Variants in S100A3 observed in about 807,000 individuals in gnomAD.
S100A3 encodes the protein S100 calcium binding protein A3.
Under a neutral mutation model 8.0 loss-of-function variants are expected in S100A3, and 11 were observed. That is an observed-to-expected ratio of 1.37 (90% confidence interval 0.86 to 2.27). S100A3 has a LOEUF of 2.27. Ranked by LOEUF, S100A3 falls within the 30% of genes most tolerant of loss-of-function variation. The probability of loss-of-function intolerance (pLI) is 0.00; values close to 1 mark genes in which losing one functional copy is unlikely to be tolerated. For missense variants in S100A3, 124 were observed against 127.1 expected (o/e 0.98, Z 0.12); for synonymous variants, 43 against 49.6 (o/e 0.87, Z 0.56).
Position 153,547,972 on chromosome 1 carries a change from G to A in S100A3, c.142-126C>T. ...CCACCCCAAACTACACCCTTCTGAG[G>A]GCCGACTTCAACCTCCCTGCTCTGA... On this transcript the variant is annotated intron_variant, in intron 2 of 2. Coordinates refer to ENST00000368713, the MANE Select transcript of S100A3 (RefSeq NM_002960.2). The surrounding 1 kb of genome is among the most constrained non-coding windows in gnomAD (Gnocchi z 4.0). 2 of 996,152 alleles carry A rather than the reference G, an allele frequency of 2.0e-6. No individual in the cohort carries two copies. The highest frequency in any genetic ancestry group is 4.9e-5 in the East Asian group (2 of 41,218). The allele number at this position is 996,152 out of a possible 1,614,324, so 61.7% of individuals were successfully genotyped here. A position where few individuals can be genotyped will look rare whatever the true frequency, so the allele number is the denominator to read the frequency against.
chr1:153,548,328 A>G lies in S100A3; in HGVS notation c.141+17T>C, dbSNP rs28452456. On this transcript the variant is annotated intron_variant, in intron 2 of 2. Transcript: ENST00000368713. ...CTCCCCCCGGAGGAGGAGGGGACGGACACTCTGACTGCTCACCGGGGTCCA... is the reference window on the plus strand; with the variant it reads ...CTCCCCCCGGAGGAGGAGGGGACGGGCACTCTGACTGCTCACCGGGGTCCA... 109,387 of 1,612,634 alleles carry G rather than the reference A, an allele frequency of 0.068. 7,395 individuals are homozygous for G. The highest frequency in any genetic ancestry group is 0.36 in the African/African-American group (27,024 of 74,740).
At chr1:153,548,528 C>T (rs758256954) in intron 1 of S100A3, 38 bp from the exon 2 acceptor site, 3 of 1,537,514 alleles carry the variant, frequency 2.0e-6, no homozygotes, top group Non-Finnish European at 1.8e-6. Context: ...AGCAGAGTTC[C>T]AGGCCAGCCC....
At chr1:153,548,053 C>T (rs1571241205) in intron 2 of S100A3, among the ~76,000 whole-genome samples, 2 of 152,244 alleles carry the variant, frequency 1.3e-5, no homozygotes, top group South Asian at 4.1e-4. Flanking sequence ...ATTAATCGAG[C>T]ACCTACTATT....
chr1:153,548,001 T>A (rs1665625372), intron 2 of S100A3, among the ~76,000 whole-genome samples, 155 bp from the exon 3 acceptor site: 1 of 152,022 alleles, frequency 6.6e-6, no homozygotes, highest in South Asian at 2.1e-4. Context: ...GCTCTGATAA[T>A]GCACTCGTTG....
rs36022742 is a variant in S100A3 at position 153,548,478 on chromosome 1, C to T, written c.8G>A (p.Arg3Lys). 0.068 allele frequency: 107,755 copies of T among 1,589,176 alleles called. 7,324 individuals are homozygous for T. Among genetic ancestry groups the T allele is most frequent in the African/African-American group, 0.36 (26,947 of 74,510 alleles). The change falls in exon 2 of 3, where the codon AGG (arginine) becomes AAG (lysine). Residue 3 changes from arginine to lysine, a missense_variant. Arg to Lys is a conservative substitution (Grantham distance 26). Transcript: ENST00000368713. ...GGCAGCTACCGCCTGCTCCAGAGGC[C>T]TGGCCATCCTCACTGTCACAGAACA... The part of the protein sequence containing the change: MA[R>K]PLEQAVAAIV...
chr1:153,548,411 G>A lies in S100A3; in HGVS notation c.75C>T (p.Asp25=). 6.2e-7 allele frequency: 1 copy of A among 1,613,864 alleles called. No individual in the cohort carries two copies. The highest frequency in any genetic ancestry group is 1.3e-5 in the African/African-American group (1 of 75,012). The part of the protein sequence containing the change: ...TFQEYAGRCG[D]KYKLCQAELK... ...GCTCCGCCTGGCAGAGCTTGTATTT[G>A]TCCCCACAGCGCCCTGCGTATTCCT... Residue 25 remains aspartate, a synonymous_variant, in exon 2 of 3, where the codon GAC becomes GAT. Coordinates refer to ENST00000368713, the MANE Select transcript of S100A3 (RefSeq NM_002960.2).
intron 1 of S100A3, 99 bp from the exon 2 acceptor site, chr1:153,548,589 T>G: frequency 4.1e-6 from 6 of 1,462,902 alleles, no homozygotes; most frequent in Non-Finnish European, 5.4e-6. Context: ...CCCAGACCCA[T>G]CTTAACCTCC....
Position 153,547,796 on chromosome 1 carries a change from G to A in S100A3, c.192C>T (p.Thr64=). The change falls in exon 3 of 3, where the codon ACC becomes ACT. Residue 64 remains threonine, a synonymous_variant. Coordinates refer to ENST00000368713, the MANE Select transcript of S100A3 (RefSeq NM_002960.2). The surrounding 1 kb of genome is among the most constrained non-coding windows in gnomAD (Gnocchi z 4.0). ...DYNKFMSVLD[T]NKDCEVDFVE... is the part of the protein sequence containing the mutation. ...CAAAGTCCACCTCGCAGTCCTTGTT[G>A]GTGTCCAGAACACTCATGAATTTGT... The A allele has an allele frequency of 6.2e-7, 1 of 1,614,020 alleles. No individual in the cohort carries two copies. The highest frequency in any genetic ancestry group is 8.5e-7 in the Non-Finnish European group (1 of 1,179,950).
rs762900643 is a variant in S100A3, at chr1:153,548,428, C to T, written c.58G>A (p.Ala20Thr). 9.3e-6 allele frequency: 15 copies of T among 1,613,124 alleles called. No individual in the cohort carries two copies. In the East Asian group the frequency reaches 2.0e-4, roughly 22 times the overall value. ...AAIVCTFQEY[A>T]GRCGDKYKLC... ...TTGTATTTGTCCCCACAGCGCCCTG[C>T]GTATTCCTGGAAGGTGCACACGATG... The change falls in exon 2 of 3, where the codon GCA becomes ACA. Residue 20 changes from alanine to threonine, a missense_variant. Ala to Thr is a moderately conservative substitution (Grantham distance 58, BLOSUM62 0). Coordinates refer to ENST00000368713, the MANE Select transcript of S100A3 (RefSeq NM_002960.2).
rs778353602 is a variant in S100A3 at position 153,547,758 on chromosome 1, C to T, written c.230G>A (p.Arg77His). ...DCEVDFVEYV[R>H]SLACLCLYCH... ...GTAGAGACAGAGGCAGGCAAGTGAG[C>T]GCACATACTCCACAAAGTCCACCTC... The change falls in exon 3 of 3, where the codon CGC becomes CAC. Residue 77 changes from arginine (R) to histidine (H), a missense_variant. Transcript: ENST00000368713. The surrounding 1 kb of genome is among the most constrained non-coding windows in gnomAD (Gnocchi z 4.0). 23 of 1,613,916 alleles carry T rather than the reference C, an allele frequency of 1.4e-5. No homozygotes were observed. Among genetic ancestry groups the T allele is most frequent in the East Asian group, 6.7e-5 (3 of 44,890 alleles).
At chr1:153,549,146 G>T (rs1557894746) in intron 1 of S100A3, 35 bp downstream of exon 1, 1 of 152,682 alleles carries the variant, frequency 6.5e-6, no homozygotes, top group Admixed American at 6.5e-5. Context: ...GGTCTCAGGG[G>T]CGGGGCCTGA....
rs77210807 is a variant in S100A3 at position 153,548,852 on chromosome 1, G to A, written c.-6+329C>T. On this transcript the variant is annotated intron_variant, in intron 1 of 2. Coordinates refer to ENST00000368713, the MANE Select transcript of S100A3 (RefSeq NM_002960.2). ...TATCCCCAACACCCAGGGATGGCTC[G>A]GTCCCAGTCTGCCCCAGCCCATGAG... Among the ~76,000 whole-genome samples the A allele has an allele frequency of 6.6e-5, 10 of 152,292 alleles. No homozygotes were observed. The East Asian group carries it at 1.2e-3, about 18-fold the overall frequency.
chr1:153,547,634 G>A lies in S100A3; in HGVS notation c.*48C>T. 6.3e-7 allele frequency: 1 copy of A among 1,598,044 alleles called. No homozygotes were observed. Among genetic ancestry groups the A allele is most frequent in the Non-Finnish European group, 8.5e-7 (1 of 1,169,662 alleles). Reference sequence around the variant, plus strand: ...AGGAGAGAGGGTAGGAGGGGGTGTGGGAGACATGCCCAGCCCCCGACAGCC... The same window carrying A: ...AGGAGAGAGGGTAGGAGGGGGTGTGAGAGACATGCCCAGCCCCCGACAGCC... On this transcript the variant is annotated 3_prime_UTR_variant, in exon 3 of 3. Transcript: ENST00000368713. The surrounding 1 kb of genome is among the most constrained non-coding windows in gnomAD (Gnocchi z 4.0).
In S100A3 at chr1:153,547,916, C is replaced by T. The variant is rs1665622335; in HGVS notation, c.142-70G>A. ...AGGGCAGAACAGCCTCACACGCCAC[C>T]TCCCTCCTTCCTCTCCCAAGTGGAC... On this transcript the variant is annotated intron_variant, in intron 2 of 2. Coordinates refer to ENST00000368713, the MANE Select transcript of S100A3 (RefSeq NM_002960.2). This position sits in a 1 kb window ranked among gnomAD's most constrained non-coding sequence, Gnocchi z 4.0. The T allele has an allele frequency of 6.6e-7, 1 of 1,505,258 alleles. No homozygotes were observed. The highest frequency in any genetic ancestry group is 9.1e-7 in the Non-Finnish European group (1 of 1,099,464). The allele number at this position is 1,505,258 out of a possible 1,614,324, so 93.2% of individuals were successfully genotyped here.
In S100A3 at chr1:153,547,386, G is replaced by C. The variant is rs1665595531; in HGVS notation, c.*296C>G. On this transcript the variant is annotated 3_prime_UTR_variant, in exon 3 of 3. Coordinates refer to ENST00000368713, the MANE Select transcript of S100A3 (RefSeq NM_002960.2). The surrounding 1 kb of genome is among the most constrained non-coding windows in gnomAD (Gnocchi z 4.0). ...GGCCCTTTCCCATCGTGGTCTCATT[G>C]GTGCACGCTCTGCTGAGCCTCGAGG... is the stretch of plus-strand genomic sequence containing the variant. 2.8e-6 allele frequency: 1 copy of C among 355,580 alleles called. No homozygotes were observed. The highest frequency in any genetic ancestry group is 4.3e-5 in the Admixed American group (1 of 23,272). The allele number at this position is 355,580 out of a possible 1,614,324, so 22.0% of individuals were successfully genotyped here.
intron 1 of S100A3, among the ~76,000 whole-genome samples, chr1:153,548,784 G>A (rs949587868): frequency 2.0e-5 from 3 of 152,064 alleles, no homozygotes; most frequent in Non-Finnish European, 4.4e-5. Flanking sequence ...ACACCCCACC[G>A]TGGGGCTCCT....
intron 1 of S100A3, among the ~76,000 whole-genome samples, chr1:153,548,784 G>C (rs949587868): frequency 6.6e-6 from 1 of 152,064 alleles, no homozygotes; most frequent in Admixed American, 6.5e-5. Context: ...ACACCCCACC[G>C]TGGGGCTCCT....
rs781517269 is a variant in S100A3, at chr1:153,547,736, G to T, written c.252C>A (p.Leu84=). 1 of 1,614,090 alleles carries T rather than the reference G, an allele frequency of 6.2e-7. No individual in the cohort carries two copies. Among genetic ancestry groups the T allele is most frequent in the South Asian group, 1.1e-5 (1 of 91,092 alleles). ...AGTCCTTGAAGTACTCGTGGCAGTA[G>T]AGACAGAGGCAGGCAAGTGAGCGCA... is the stretch of plus-strand genomic sequence containing the variant. The part of the protein sequence containing the change: ...EYVRSLACLC[L]YCHEYFKDCP... The change falls in exon 3 of 3, where the codon CTC becomes CTA. Residue 84 remains leucine (L), a synonymous_variant. Transcript: ENST00000368713. This position sits in a 1 kb window ranked among gnomAD's most constrained non-coding sequence, Gnocchi z 4.0.
At chr1:153,548,841 A>G (rs1665649670) in intron 1 of S100A3, among the ~76,000 whole-genome samples, 1 of 152,162 alleles carries the variant, frequency 6.6e-6, no homozygotes, top group South Asian at 2.1e-4. Flanking sequence ...CCCAACACCC[A>G]GGGATGGCTC....
Sources: gnomAD v4.1 joint callset for allele counts (sites outside exome capture counted in the v4.1 genomes callset) on GRCh38, gnomAD v4.1.1 for gene constraint, Gnocchi (gnomAD v3.1) non-coding constraint, MANE v1.5 for transcripts, NCBI Gene and HGNC (gene_info 2026-07-23, HGNC 2026-07-21) for gene names.